Variants in ADAMTSL3 observed in about 807,000 individuals in gnomAD.
The protein encoded by ADAMTSL3 is ADAMTS like 3.
A neutral mutation model predicts 201.7 loss-of-function variants in ADAMTSL3; 128 were observed. The ratio of observed to expected loss-of-function variants is 0.63; its 90% CI spans 0.55 to 0.73. The LOEUF is 0.73. ADAMTSL3 is among the 30% of genes least tolerant of loss of function. The pLI, the probability that ADAMTSL3 is intolerant of heterozygous loss-of-function variation, is 0.00. For missense variants in ADAMTSL3, 1,990 were observed against 2,119.6 expected (o/e 0.94, Z 1.20); for synonymous variants, 738 against 748.4 (o/e 0.99, Z 0.23).
chr15:84,023,530 T>C (rs1196537376), intron 26 of ADAMTSL3, among the ~76,000 whole-genome samples: 2 of 152,182 alleles, frequency 1.3e-5, no homozygotes, highest in African/African-American at 2.4e-5. Context: ...CCAGTACCCT[T>C]TGTAATTCTC....
intron 14 of ADAMTSL3, among the ~76,000 whole-genome samples, chr15:83,898,916 G>A (rs2065669601): frequency 6.6e-6 from 1 of 152,056 alleles, no homozygotes; most frequent in Non-Finnish European, 1.5e-5. Flanking sequence ...ATCACTAGTT[G>A]CCATGACAGG....
At chr15:83,841,231 A>T (rs1445733815) in intron 7 of ADAMTSL3, among the ~76,000 whole-genome samples, 2 of 152,252 alleles carry the variant, frequency 1.3e-5, no homozygotes, top group African/African-American at 2.4e-5. Context: ...CTTATCATTT[A>T]ATTCTACCAG....
At chr15:83,970,762 G>A in intron 20 of ADAMTSL3, 125 bp downstream of exon 20, 1 of 1,259,600 alleles carries the variant, frequency 7.9e-7, no homozygotes, top group East Asian at 2.4e-5. Context: ...GCTGTACTCA[G>A]TGTTGTTTTC....
chr15:83,832,592 C>T (rs780141594), intron 6 of ADAMTSL3, among the ~76,000 whole-genome samples: 6 of 152,118 alleles, frequency 3.9e-5, no homozygotes, highest in Admixed American at 3.9e-4. Flanking sequence ...CATAAATTGC[C>T]TTTCTTGTGC....
Position 83,661,689 on chromosome 15 carries a change from T to C in ADAMTSL3, c.69+5859T>C, listed in dbSNP as rs547616478. Among the ~76,000 whole-genome samples, 6 of 152,196 alleles carry C rather than the reference T, an allele frequency of 3.9e-5. No homozygotes were observed. The East Asian group carries it at 1.2e-3, about 29-fold the overall frequency. ...AGCTACTCATCTGACAAAGGGCTAA[T>C]ATCCAGAATCTACAATGAACTCAAA... On this transcript the variant is annotated intron_variant, in intron 2 of 29. Transcript: ENST00000286744.
intron 8 of ADAMTSL3, among the ~76,000 whole-genome samples, chr15:83,864,773 G>T (rs1480091807): frequency 2.0e-5 from 3 of 152,170 alleles, no homozygotes; most frequent in African/African-American, 7.2e-5. Context: ...GGGCAATCAC[G>T]CAGGAGAAAG....
chr15:83,910,559 C>T (rs1202901704), intron 15 of ADAMTSL3, among the ~76,000 whole-genome samples: 1 of 149,228 alleles, frequency 6.7e-6, no homozygotes, highest in African/African-American at 2.5e-5. Flanking sequence ...CGTTGAAAAC[C>T]AACTTGAAAT....
rs565337578 is a variant in ADAMTSL3, at chr15:84,015,399, A to G, written c.4156+675A>G. On this transcript the variant is annotated intron_variant, in intron 24 of 29. Coordinates refer to ENST00000286744, the MANE Select transcript of ADAMTSL3 (RefSeq NM_207517.3). ...TTGGGGCAGTTAGAGGAGCCCAGAG[A>G]TATAAAGAGATAGGGGGTGCCAATG... Among the ~76,000 whole-genome samples the G allele has an allele frequency of 8.5e-5, 13 of 152,342 alleles. No homozygotes were observed. In the East Asian group the frequency reaches 1.3e-3, roughly 16 times the overall value.
At chr15:83,709,424 G>T (rs1309553357) in intron 3 of ADAMTSL3, among the ~76,000 whole-genome samples, 2 of 152,172 alleles carry the variant, frequency 1.3e-5, no homozygotes, top group Non-Finnish European at 2.9e-5. Context: ...TGTCTCTGGG[G>T]TAGATTCTTT....
intron 3 of ADAMTSL3, among the ~76,000 whole-genome samples, chr15:83,713,293 G>A (rs573100355): frequency 1.3e-5 from 2 of 152,244 alleles, no homozygotes; most frequent in African/African-American, 2.4e-5. Flanking sequence ...TATTTTGACC[G>A]CATTCATCAA....
intron 5 of ADAMTSL3, among the ~76,000 whole-genome samples, chr15:83,809,737 G>C (rs1289112542): frequency 6.6e-6 from 1 of 152,088 alleles, no homozygotes; most frequent in East Asian, 1.9e-4. Flanking sequence ...AAAATGACAG[G>C]AATTAAAAGG....
chr15:84,019,114 CAG>C (rs1491064951), intron 25 of ADAMTSL3, among the ~76,000 whole-genome samples: 1 of 150,026 alleles, frequency 6.7e-6, no homozygotes, highest in Non-Finnish European at 1.5e-5. Flanking sequence ...CACACACACA[CAG>C]TGGGCAACAG....
At chr15:83,697,950 T>C (rs999767264) in intron 2 of ADAMTSL3, among the ~76,000 whole-genome samples, 3 of 151,998 alleles carry the variant, frequency 2.0e-5, no homozygotes, top group African/African-American at 7.2e-5. Flanking sequence ...AGTAACCTCA[T>C]TAGAACAAAA....
intron 23 of ADAMTSL3, among the ~76,000 whole-genome samples, chr15:84,008,829 AC>A (rs1408867122): frequency 6.6e-6 from 1 of 151,998 alleles, no homozygotes; most frequent in Non-Finnish European, 1.5e-5. Context: ...TCCCAAACTT[AC>A]TTCTCTCATA....
chr15:83,673,661 T>C (rs2061356662), intron 2 of ADAMTSL3, among the ~76,000 whole-genome samples: 1 of 152,200 alleles, frequency 6.6e-6, no homozygotes, highest in African/African-American at 2.4e-5. Context: ...AAAAGACACA[T>C]GGCACGCAGG....
In ADAMTSL3 at chr15:83,824,048, C is replaced by CT. The variant is rs1198233831; in HGVS notation, c.600+4012dup. Among the ~76,000 whole-genome samples, 188 of 118,826 alleles carry CT rather than the reference C, an allele frequency of 1.6e-3. 2 individuals are homozygous for CT. The highest frequency in any genetic ancestry group is 4.3e-3 in the African/African-American group (140 of 32,720). The allele number at this position is 118,826 out of a possible 152,430, so 78.0% of individuals were successfully genotyped here. A position where few individuals can be genotyped will look rare whatever the true frequency, so the allele number is the denominator to read the frequency against. On this transcript the variant is annotated intron_variant, in intron 6 of 29. Transcript: ENST00000286744. Reference sequence around the variant, plus strand: ...CTTCCTTCTTTCTTTTTTTCTTTTTCTTTTTTTTTTTAAAGAGACAGGGTC... The same window carrying CT: ...CTTCCTTCTTTCTTTTTTTCTTTTTCTTTTTTTTTTTTAAAGAGACAGGGTC...
Position 83,804,663 on chromosome 15 carries a change from C to T in ADAMTSL3, c.331C>T (p.Gln111Ter), listed in dbSNP as rs892984742. ...TTTTTCCTTTAGGAATTGTGAAGGGCAGAACATTCGGTACAAGACATGCAG... is the reference window on the plus strand; with the variant it reads ...TTTTTCCTTTAGGAATTGTGAAGGGTAGAACATTCGGTACAAGACATGCAG... ...RCLTGRNCEG[Q>*]NIRYKTCSNH... The change falls in exon 5 of 30, where the codon CAG becomes TAG. Residue 111 changes from glutamine (Q) to a stop codon, truncating the protein, a stop_gained. Transcript: ENST00000286744. LOFTEE classifies it high-confidence loss of function. 3 of 1,583,716 alleles carry T rather than the reference C, an allele frequency of 1.9e-6. No individual in the cohort carries two copies. The highest frequency in any genetic ancestry group is 1.8e-5 in the Admixed American group (1 of 55,742).
chr15:84,029,625 GA>G, intron 27 of ADAMTSL3, among the ~76,000 whole-genome samples: 1 of 115,246 alleles, frequency 8.7e-6, no homozygotes, highest in East Asian at 2.9e-4. Flanking sequence ...GGATGCAATG[GA>G]AAAGAAAAAC....
intron 8 of ADAMTSL3, among the ~76,000 whole-genome samples, chr15:83,865,457 C>T (rs1220232183): frequency 1.3e-5 from 2 of 152,042 alleles, no homozygotes; most frequent in African/African-American, 2.4e-5. Flanking sequence ...GAAATAATGC[C>T]GCATATCTAC....
Sources: allele counts gnomAD v4.1 joint callset (sites outside exome capture counted in the v4.1 genomes callset), GRCh38; gene constraint gnomAD v4.1.1; transcripts MANE v1.5; gene names NCBI Gene and HGNC (gene_info 2026-07-23, HGNC 2026-07-21).